VPS36: variants seen among roughly 807,000 people sequenced by gnomAD.
The protein encoded by VPS36 is vacuolar protein sorting 36 homolog.
In VPS36, 31 loss-of-function variants were observed where a neutral mutation model predicts 63.5. The ratio of observed to expected loss-of-function variants is 0.49; its 90% confidence interval spans 0.37 to 0.66. VPS36 has a LOEUF of 0.66. Ranked by LOEUF, VPS36 falls within the 30% of genes least tolerant of loss-of-function variation. The probability of loss-of-function intolerance (pLI) is 0.00; values close to 1 mark genes in which losing one functional copy is unlikely to be tolerated. For synonymous variants in VPS36, 138 were observed against 157.2 expected (o/e 0.88, Z 0.91); for missense variants, 338 against 463.7 (o/e 0.73, Z 2.49).
chr13:52,444,276 T>C (rs1958311320), intron 1 of VPS36, among the ~76,000 whole-genome samples: 1 of 151,876 alleles, frequency 6.6e-6, no homozygotes, highest in Non-Finnish European at 1.5e-5. Flanking sequence ...GCTAATATGG[T>C]GAAACCCCGT....
At chr13:52,421,852 C>A (rs1298525476) in intron 10 of VPS36, among the ~76,000 whole-genome samples, 2 of 151,880 alleles carry the variant, frequency 1.3e-5, no homozygotes, top group Non-Finnish European at 2.9e-5. Context: ...TACATAATAT[C>A]TTACATATTT....
At chr13:52,418,635 T>C (rs1460810745) in intron 10 of VPS36, among the ~76,000 whole-genome samples, 1 of 147,706 alleles carries the variant, frequency 6.8e-6, no homozygotes, top group East Asian at 2.0e-4. Context: ...TTAATTTTAA[T>C]GCATATATTT....
intron 1 of VPS36, among the ~76,000 whole-genome samples, chr13:52,446,919 A>G (rs1012857469): frequency 7.0e-6 from 1 of 142,466 alleles, no homozygotes; most frequent in African/African-American, 2.6e-5. Flanking sequence ...CTTGTTGCCC[A>G]GGCTGGAGTG....
intron 8 of VPS36, among the ~76,000 whole-genome samples, 192 bp from the exon 9 acceptor site, chr13:52,426,258 C>G (rs1368512811): frequency 6.6e-6 from 1 of 152,164 alleles, no homozygotes; most frequent in East Asian, 1.9e-4. Flanking sequence ...CTCCTTCCTA[C>G]TTCTCTCCTG....
At chr13:52,422,840 T>C (rs891315384) in intron 10 of VPS36, among the ~76,000 whole-genome samples, 2 of 152,218 alleles carry the variant, frequency 1.3e-5, no homozygotes, top group Non-Finnish European at 1.5e-5. Context: ...CCCTGTGATA[T>C]GGTTTGGCTC....
chr13:52,418,805 T>C (rs1204279972), intron 10 of VPS36, among the ~76,000 whole-genome samples: 1 of 152,170 alleles, frequency 6.6e-6, no homozygotes, highest in Non-Finnish European at 1.5e-5. Flanking sequence ...AAGTCCCCAG[T>C]CAGCACATGA....
At chr13:52,425,222 C>A in intron 9 of VPS36, among the ~76,000 whole-genome samples, 1 of 139,950 alleles carries the variant, frequency 7.1e-6, no homozygotes, top group Admixed American at 7.5e-5. Flanking sequence ...CACTGCACTC[C>A]AGCCTGGGTG....
chr13:52,414,414 A>C lies in VPS36; in HGVS notation c.*1416T>G, dbSNP rs1957974674. The C allele has an allele frequency of 6.6e-6, 1 of 152,244 alleles. No individual in the cohort carries two copies. Among genetic ancestry groups the C allele is most frequent in the Non-Finnish European group, 1.5e-5 (1 of 68,058 alleles). 9.4% of individuals were successfully genotyped at this position (152,244 alleles called of 1,614,324 possible). ...GTGACAGGTTTGGAAAACAAAAACT[A>C]AAGTGGGATGTCTCAGGCACAGCAT... On this transcript the variant is annotated 3_prime_UTR_variant, in exon 14 of 14. Transcript: ENST00000378060.
At chr13:52,441,558 C>T (rs552310498) in intron 2 of VPS36, among the ~76,000 whole-genome samples, 1 of 152,284 alleles carries the variant, frequency 6.6e-6, no homozygotes, top group African/African-American at 2.4e-5. Flanking sequence ...AGAGACCAGC[C>T]TGAACAACTT....
At chr13:52,437,597 T>C (rs557862040) in intron 3 of VPS36, among the ~76,000 whole-genome samples, 1 of 152,322 alleles carries the variant, frequency 6.6e-6, no homozygotes, top group Admixed American at 6.5e-5. Flanking sequence ...TACATTCTTT[T>C]ATCAAGTCAT....
chr13:52,425,091 A>G (rs1018145521), intron 9 of VPS36, among the ~76,000 whole-genome samples: 12 of 151,956 alleles, frequency 7.9e-5, no homozygotes, highest in African/African-American at 2.7e-4. Context: ...TACTAAAAAT[A>G]CAAAAAATTA....
intron 6 of VPS36, among the ~76,000 whole-genome samples, chr13:52,432,105 C>T (rs543195143): frequency 2.0e-5 from 3 of 152,276 alleles, no homozygotes; most frequent in East Asian, 1.9e-4. Flanking sequence ...GTAATCCCAT[C>T]ACTTTGAGAG....
intron 3 of VPS36, among the ~76,000 whole-genome samples, chr13:52,437,822 C>T (rs539234542): frequency 2.6e-5 from 4 of 151,456 alleles, no homozygotes; most frequent in African/African-American, 4.9e-5. Flanking sequence ...CCCAGCTACT[C>T]GGGAGGCTGA....
chr13:52,443,813 A>T (rs1026096265), intron 1 of VPS36, among the ~76,000 whole-genome samples: 1 of 152,216 alleles, frequency 6.6e-6, no homozygotes. Context: ...CCTGAAAGTT[A>T]CATAAATAAG....
chr13:52,434,806 T>C lies in VPS36; in HGVS notation c.428A>G (p.Asn143Ser), dbSNP rs1378110757. Residue 143 changes from asparagine (N) to serine (S), a missense_variant, in exon 5 of 14, where the codon AAT (asparagine) becomes AGT (serine). Physicochemically the swap from Asn to Ser is conservative, Grantham distance 46 (BLOSUM62 1). Coordinates refer to ENST00000378060, the MANE Select transcript of VPS36 (RefSeq NM_016075.4). ...NMPVSQSLQT[N>S]RGPQPGRIRA... ...TTTTAAAAATACCTGGGGTCCTCTATTTGTTTGTAATGACTGGGAAACTGG... is the reference window on the plus strand; with the variant it reads ...TTTTAAAAATACCTGGGGTCCTCTACTTGTTTGTAATGACTGGGAAACTGG... The C allele has an allele frequency of 6.2e-7, 1 of 1,613,742 alleles. No homozygotes were observed. The highest frequency in any genetic ancestry group is 1.1e-5 in the South Asian group (1 of 90,966).
intron 10 of VPS36, among the ~76,000 whole-genome samples, chr13:52,418,407 T>C (rs1445953469): frequency 6.6e-6 from 1 of 151,684 alleles, no homozygotes; most frequent in Non-Finnish European, 1.5e-5. Context: ...AAACCCCGTC[T>C]CTACTAAAAA....
intron 6 of VPS36, 97 bp downstream of exon 6, chr13:52,433,565 T>C: frequency 9.9e-7 from 1 of 1,013,254 alleles, no homozygotes; most frequent in Non-Finnish European, 1.5e-6. Flanking sequence ...GCAAATGAAA[T>C]ATATTCTAAA....
intron 8 of VPS36, among the ~76,000 whole-genome samples, 193 bp from the exon 9 acceptor site, chr13:52,426,259 T>G (rs1188976775): frequency 6.6e-6 from 1 of 152,252 alleles, no homozygotes; most frequent in Non-Finnish European, 1.5e-5. Context: ...TCCTTCCTAC[T>G]TCTCTCCTGG....
At chr13:52,425,073 C>T (rs1171389200) in intron 9 of VPS36, among the ~76,000 whole-genome samples, 1 of 150,788 alleles carries the variant, frequency 6.6e-6, no homozygotes, top group Non-Finnish European at 1.5e-5. Flanking sequence ...ACGGTGAAAC[C>T]CCATCTCTAC....
Sources: gnomAD v4.1 joint callset for allele counts (sites outside exome capture counted in the v4.1 genomes callset) on GRCh38, gnomAD v4.1.1 for gene constraint, MANE v1.5 for transcripts, NCBI Gene and HGNC (gene_info 2026-07-23, HGNC 2026-07-21) for gene names.